The following LUZP2 variants were observed in gnomAD, a reference collection of about 807,000 sequenced individuals.
LUZP2 encodes leucine zipper protein 2.
In LUZP2, 52 loss-of-function variants were observed where a neutral mutation model predicts 51.6. The ratio of observed to expected loss-of-function variants is 1.01; its 90% CI spans 0.81 to 1.27. The LOEUF (loss-of-function observed/expected upper bound fraction) is 1.27, where lower values mean the gene tolerates loss of function less well. Among genes scored for constraint, LUZP2 ranks in the 50% most tolerant of loss-of-function variants. The pLI, the probability that LUZP2 is intolerant of heterozygous loss-of-function variation, is 0.00. For missense variants in LUZP2, 436 were observed against 395.4 expected, an observed-to-expected ratio of 1.10 and a Z score of -0.87; for synonymous variants, 154 against 137.3, an observed-to-expected ratio of 1.12 and a Z score of -0.85.
rs182259596 is a variant in LUZP2, at chr11:24,891,167, C to T, written c.397-14824C>T. ...TAAAATTGACAAAAGTCTACTTAAC[C>T]GACAGTATCTAATGTGAGCTAGAGT... On this transcript the variant is annotated intron_variant, in intron 5 of 11. Coordinates refer to ENST00000336930, the MANE Select transcript of LUZP2 (RefSeq NM_001009909.4). The T allele has an allele frequency of 6.4e-5, 63 of 984,704 alleles. No homozygotes were observed. In the African/African-American group the frequency reaches 8.6e-4, roughly 13 times the overall value. 61.0% of individuals were successfully genotyped at this position (984,704 alleles called of 1,614,324 possible).
intron 5 of LUZP2, among the ~76,000 whole-genome samples, chr11:24,897,515 C>A (rs1307272491): frequency 6.6e-6 from 1 of 151,950 alleles, no homozygotes; most frequent in Admixed American, 6.6e-5. Flanking sequence ...ACTCCCGAGG[C>A]GCTGCATTAA....
chr11:24,659,029 T>C (rs1855917687), intron 1 of LUZP2, among the ~76,000 whole-genome samples: 1 of 152,196 alleles, frequency 6.6e-6, no homozygotes, highest in Non-Finnish European at 1.5e-5. Flanking sequence ...CTCAGGGATC[T>C]AGAACTAGAA....
intron 9 of LUZP2, among the ~76,000 whole-genome samples, chr11:25,020,471 CA>C (rs1443972564): frequency 6.6e-6 from 1 of 152,052 alleles, no homozygotes; most frequent in Non-Finnish European, 1.5e-5. Context: ...GATTTTAGGG[CA>C]AAGCTCCATT....
At chr11:24,575,787 C>T (rs534834491) in intron 1 of LUZP2, among the ~76,000 whole-genome samples, 6 of 152,166 alleles carry the variant, frequency 3.9e-5, no homozygotes, top group African/African-American at 1.4e-4. Context: ...CACGATACAA[C>T]AACCACATCT....
chr11:24,793,708 A>G (rs1849468891), intron 5 of LUZP2, among the ~76,000 whole-genome samples: 1 of 152,156 alleles, frequency 6.6e-6, no homozygotes. Flanking sequence ...AATATAAGAC[A>G]GTCAATGTCT....
chr11:24,528,742 G>C (rs1401047040), intron 1 of LUZP2, among the ~76,000 whole-genome samples: 1 of 151,086 alleles, frequency 6.6e-6, no homozygotes, highest in Non-Finnish European at 1.5e-5. Flanking sequence ...ATGTGTTGAG[G>C]ACATCACCTA....
At chr11:25,031,302 G>T (rs929561788) in intron 9 of LUZP2, among the ~76,000 whole-genome samples, 1 of 151,664 alleles carries the variant, frequency 6.6e-6, no homozygotes, top group African/African-American at 2.4e-5. Context: ...GAGCCACCAT[G>T]CCCAGACTAC....
chr11:24,577,531 T>G (rs532865443), intron 1 of LUZP2, among the ~76,000 whole-genome samples: 1 of 152,214 alleles, frequency 6.6e-6, no homozygotes, highest in East Asian at 1.9e-4. Context: ...AATACAGGAT[T>G]AAGGCTATCT....
intron 1 of LUZP2, among the ~76,000 whole-genome samples, chr11:24,512,683 A>T (rs894289015): frequency 6.6e-6 from 1 of 151,978 alleles, no homozygotes; most frequent in Non-Finnish European, 1.5e-5. Context: ...TACTTTTTGT[A>T]TACTAAATAT....
chr11:24,595,004 C>T (rs1373068650), intron 1 of LUZP2, among the ~76,000 whole-genome samples: 1 of 151,848 alleles, frequency 6.6e-6, no homozygotes, highest in Non-Finnish European at 1.5e-5. Context: ...TTGTGATCCG[C>T]CCATCTCGGC....
chr11:24,924,874 A>G (rs979235863), intron 7 of LUZP2, among the ~76,000 whole-genome samples: 1 of 152,166 alleles, frequency 6.6e-6, no homozygotes, highest in Non-Finnish European at 1.5e-5. Flanking sequence ...CAATGTTAAG[A>G]TAAGGGTTTG....
rs1381629117 is a variant in LUZP2, at chr11:24,572,677, G to T, written c.62+75372G>T. 2.6e-5 allele frequency among the ~76,000 whole-genome samples: 4 copies of T among 151,996 alleles called. No homozygotes were observed. In the East Asian group the frequency reaches 5.8e-4, roughly 22 times the overall value. On this transcript the variant is annotated intron_variant, in intron 1 of 11. Transcript: ENST00000336930. ...AAGCCTGGAGACTGTGAGACAGCTT[G>T]ATGTCTCTCTGCATCAGGGATTTTG...
chr11:25,045,998 A>C (rs1264841529), intron 9 of LUZP2, among the ~76,000 whole-genome samples: 2 of 152,172 alleles, frequency 1.3e-5, no homozygotes, highest in Admixed American at 6.6e-5. Context: ...ATTGGGACAC[A>C]TGAATCACAA....
chr11:25,044,257 GTATATATATATATATA>G lies in LUZP2; in HGVS notation c.766-5762_766-5747del, dbSNP rs1235208041. 2.0e-3 allele frequency among the ~76,000 whole-genome samples: 121 copies of G among 60,786 alleles called. 1 individual carries two copies. The highest frequency in any genetic ancestry group is 6.0e-3 in the African/African-American group (112 of 18,604). The allele number at this position is 60,786 out of a possible 152,430, so 39.9% of individuals were successfully genotyped here. On this transcript the variant is annotated intron_variant, in intron 9 of 11. Coordinates refer to ENST00000336930, the MANE Select transcript of LUZP2 (RefSeq NM_001009909.4). ...TGTATGTGTGTGTGTGTGTGTGTGT[GTATATATATATATATA>G]TATATATATATATATATAGTCTGAT...
intron 7 of LUZP2, among the ~76,000 whole-genome samples, chr11:24,970,253 GCTGTTGCATCCCCTACCCTACCT>G (rs1347447383): frequency 2.0e-5 from 3 of 151,990 alleles, no homozygotes; most frequent in African/African-American, 7.2e-5. Flanking sequence ...CTTTTTTTCT[GCTGTTGCATCCCCTACCCTACCT>G]TTATATCACA....
intron 5 of LUZP2, among the ~76,000 whole-genome samples, chr11:24,769,495 G>C (rs76308614): frequency 0.08 from 12,202 of 152,106 alleles, 1,064 homozygotes; most frequent in African/African-American, 0.22. Context: ...TCACATTGCA[G>C]CTGATAAATA....
intron 3 of LUZP2, among the ~76,000 whole-genome samples, chr11:24,736,905 A>C (rs952434556): frequency 6.6e-6 from 1 of 152,040 alleles, no homozygotes; most frequent in African/African-American, 2.4e-5. Context: ...TAATTATTCT[A>C]TAACTTGTTC....
intron 5 of LUZP2, among the ~76,000 whole-genome samples, chr11:24,886,669 T>C (rs1375525195): frequency 6.6e-6 from 1 of 152,312 alleles, no homozygotes; most frequent in East Asian, 1.9e-4. Flanking sequence ...AAAGAAAGTA[T>C]ACGTAATTCT....
At chr11:24,537,512 T>C (rs1851214995) in intron 1 of LUZP2, among the ~76,000 whole-genome samples, 1 of 151,928 alleles carries the variant, frequency 6.6e-6, no homozygotes, top group African/African-American at 2.4e-5. Context: ...GAATTCAAGA[T>C]TTCTATACTA....
Sources: gnomAD v4.1 joint callset for allele counts (sites outside exome capture counted in the v4.1 genomes callset) on GRCh38, gnomAD v4.1.1 for gene constraint, MANE v1.5 for transcripts, NCBI Gene and HGNC (gene_info 2026-07-23, HGNC 2026-07-21) for gene names.